MIPOL1: variants seen among roughly 807,000 people sequenced by gnomAD.
The protein encoded by MIPOL1 is mirror-image polydactyly 1.
MIPOL1 carries 57 observed loss-of-function variants against 60.9 expected under a neutral mutation model. That is an observed-to-expected ratio of 0.94 (90% CI 0.76 to 1.17). The LOEUF (loss-of-function observed/expected upper bound fraction) is 1.17, where lower values mean the gene tolerates loss of function less well. Among genes scored for constraint, MIPOL1 ranks in the 50% most tolerant of loss-of-function variants. The probability of loss-of-function intolerance (pLI) is 0.00; values close to 1 mark genes in which losing one functional copy is unlikely to be tolerated. For missense variants in MIPOL1, 551 were observed against 511.6 expected (o/e 1.08, Z -0.74); for synonymous variants, 179 against 168.8 (o/e 1.06, Z -0.47).
chr14:37,282,311 G>A (rs966693190), intron 6 of MIPOL1, among the ~76,000 whole-genome samples: 12 of 150,968 alleles, frequency 7.9e-5, no homozygotes, highest in African/African-American at 2.2e-4. Context: ...GCGTGATATC[G>A]GCTCACTGCA....
At chr14:37,495,075 T>A (rs2095100881) in intron 11 of MIPOL1, among the ~76,000 whole-genome samples, 1 of 151,876 alleles carries the variant, frequency 6.6e-6, no homozygotes, top group African/African-American at 2.4e-5. Context: ...GTGAGACTTT[T>A]AAAACTTAAT....
At chr14:37,224,229 C>T (rs557947164) in intron 1 of MIPOL1, among the ~76,000 whole-genome samples, 27 of 152,206 alleles carry the variant, frequency 1.8e-4, no homozygotes, top group African/African-American at 4.3e-4. Flanking sequence ...TCTGTAATCC[C>T]GGCACTTTGC....
At chr14:37,341,066 T>C (rs924027339) in intron 9 of MIPOL1, among the ~76,000 whole-genome samples, 1 of 152,184 alleles carries the variant, frequency 6.6e-6, no homozygotes, top group African/African-American at 2.4e-5. Context: ...GGCTATACCA[T>C]CTAGGTTTGT....
chr14:37,545,651 T>G (rs757261295), intron 12 of MIPOL1: 53 of 650,144 alleles, frequency 8.2e-5, no homozygotes, highest in Non-Finnish European at 1.3e-4. Context: ...TATTTTCCTG[T>G]TTTTTGTTAA....
intron 11 of MIPOL1, among the ~76,000 whole-genome samples, chr14:37,436,001 T>C (rs1277002282): frequency 1.3e-5 from 2 of 152,210 alleles, no homozygotes; most frequent in African/African-American, 4.8e-5. Flanking sequence ...ATAAGGGAAT[T>C]AAATTCCAGA....
At position 37,369,704 on chromosome 14, in the gene MIPOL1, G is replaced by C. The variant is rs1400124537; in HGVS notation, c.936+80G>C. On this transcript the variant is annotated intron_variant, in intron 10 of 12. Transcript: ENST00000684589. Reference sequence around the variant, plus strand: ...GCTTTCTGTGCTGCATATATCAGTTGTGTACATTTCAGCAGAAGTGAGCTG... The same window carrying C: ...GCTTTCTGTGCTGCATATATCAGTTCTGTACATTTCAGCAGAAGTGAGCTG... 5.8e-6 allele frequency: 6 copies of C among 1,027,750 alleles called. No homozygotes were observed. In the Admixed American group the frequency reaches 1.2e-4, roughly 21 times the overall value. 63.7% of individuals were successfully genotyped at this position (1,027,750 alleles called of 1,614,324 possible).
intron 10 of MIPOL1, among the ~76,000 whole-genome samples, chr14:37,418,974 A>G (rs917290395): frequency 4.6e-5 from 7 of 152,082 alleles, no homozygotes; most frequent in Admixed American, 4.6e-4. Flanking sequence ...TTACCACAGG[A>G]CTCAGCAATT....
intron 11 of MIPOL1, among the ~76,000 whole-genome samples, chr14:37,426,372 A>T (rs943525099): frequency 1.3e-5 from 2 of 151,284 alleles, no homozygotes; most frequent in African/African-American, 4.9e-5. Context: ...GTTCAAGACC[A>T]CCCTGGCCAA....
At chr14:37,221,834 A>G (rs1392228082) in intron 1 of MIPOL1, among the ~76,000 whole-genome samples, 3 of 152,198 alleles carry the variant, frequency 2.0e-5, no homozygotes, top group African/African-American at 7.2e-5. Flanking sequence ...TTGAATTTGA[A>G]TATGAGTTTT....
In MIPOL1 at chr14:37,219,827, G is replaced by C. The variant is rs558156726; in HGVS notation, c.-199+21723G>C. On this transcript the variant is annotated intron_variant, in intron 1 of 12. Transcript: ENST00000684589. ...CAGTTTTTACCTCAGGTACTTTGAT[G>C]CTGTTTTGTTAAATGCTTACATATT... is the stretch of plus-strand genomic sequence containing the variant. The C allele has an allele frequency of 7.3e-5, 11 of 150,528 alleles. No individual in the cohort carries two copies. The South Asian group carries it at 2.3e-3, about 31-fold the overall frequency. 9.3% of individuals were successfully genotyped at this position (150,528 alleles called of 1,614,324 possible). A position where few individuals can be genotyped will look rare whatever the true frequency, so the allele number is the denominator to read the frequency against.
chr14:37,357,036 A>G (rs911452333), intron 9 of MIPOL1, among the ~76,000 whole-genome samples: 5 of 152,128 alleles, frequency 3.3e-5, no homozygotes, highest in Admixed American at 6.5e-5. Context: ...GCTTCCAAAT[A>G]TTGGCTATTG....
chr14:37,217,145 A>T (rs533029899), intron 1 of MIPOL1, among the ~76,000 whole-genome samples: 1 of 152,302 alleles, frequency 6.6e-6, no homozygotes, highest in South Asian at 2.1e-4. Context: ...TGGAAAATGT[A>T]AGAGAAATGG....
intron 10 of MIPOL1, among the ~76,000 whole-genome samples, chr14:37,374,995 T>C (rs1228301686): frequency 1.3e-5 from 2 of 152,290 alleles, no homozygotes; most frequent in East Asian, 1.9e-4. Context: ...TTTCACGATA[T>C]TGATTCTTCT....
intron 10 of MIPOL1, among the ~76,000 whole-genome samples, chr14:37,405,445 T>C (rs7153565): frequency 0.99 from 150,411 of 152,216 alleles, 74,338 homozygotes; most frequent in Middle Eastern, 1. Flanking sequence ...CGTTTTAATG[T>C]CTATATGCCA....
At chr14:37,398,444 A>G (rs556338078) in intron 10 of MIPOL1, among the ~76,000 whole-genome samples, 17 of 152,274 alleles carry the variant, frequency 1.1e-4, no homozygotes, top group Non-Finnish European at 1.8e-4. Context: ...GAGCCTCTGC[A>G]TGCTGCTGTG....
intron 9 of MIPOL1, among the ~76,000 whole-genome samples, chr14:37,337,694 T>C (rs1462956339): frequency 2.0e-5 from 3 of 151,992 alleles, no homozygotes; most frequent in Non-Finnish European, 2.9e-5. Context: ...GAGAAATGTC[T>C]ATTGTGATTC....
intron 9 of MIPOL1, among the ~76,000 whole-genome samples, chr14:37,320,330 A>G (rs8022961): frequency 0.94 from 143,473 of 152,146 alleles, 68,029 homozygotes; most frequent in East Asian, 1. Flanking sequence ...TGATTTTAAT[A>G]TCAATCATTC....
At chr14:37,288,931 A>G (rs531061643) in intron 7 of MIPOL1, among the ~76,000 whole-genome samples, 1 of 152,352 alleles carries the variant, frequency 6.6e-6, no homozygotes, top group East Asian at 1.9e-4. Context: ...CTTTTCTCAT[A>G]TGAAAGAAAG....
At chr14:37,445,105 G>T (rs1241162387) in intron 11 of MIPOL1, among the ~76,000 whole-genome samples, 1 of 152,094 alleles carries the variant, frequency 6.6e-6, no homozygotes, top group African/African-American at 2.4e-5. Flanking sequence ...ACAATAAAGG[G>T]TATTCAGTTA....
Sources: allele counts gnomAD v4.1 joint callset (sites outside exome capture counted in the v4.1 genomes callset), GRCh38; gene constraint gnomAD v4.1.1; transcripts MANE v1.5; gene names NCBI Gene and HGNC (gene_info 2026-07-23, HGNC 2026-07-21).